Variants in UGGT2 observed in about 807,000 individuals in gnomAD.
UGGT2 encodes UDP-glucose glycoprotein glucosyltransferase 2.
In UGGT2, 180 loss-of-function variants were observed where a neutral mutation model predicts 192.1. The ratio of observed to expected loss-of-function variants is 0.94; its 90% CI spans 0.83 to 1.06. The LOEUF (loss-of-function observed/expected upper bound fraction) is 1.06. Ranked by LOEUF, UGGT2 falls within the 50% of genes least tolerant of loss-of-function variation. UGGT2 has a pLI of 0.00. For synonymous variants in UGGT2, 580 were observed against 591.0 expected (o/e 0.98, Z 0.27); for missense variants, 1,849 against 1,795.7 (o/e 1.03, Z -0.54).
intron 36 of UGGT2, among the ~76,000 whole-genome samples, chr13:95,837,611 T>C (rs183747826): frequency 6.6e-6 from 1 of 152,242 alleles, no homozygotes; most frequent in Admixed American, 6.5e-5. Context: ...TTGGAAACAA[T>C]GATCCATGAA....
At chr13:96,005,816 G>C (rs1445880571) in intron 5 of UGGT2, among the ~76,000 whole-genome samples, 1 of 152,142 alleles carries the variant, frequency 6.6e-6, no homozygotes, top group Non-Finnish European at 1.5e-5. Context: ...AATACAGGTG[G>C]GAAAGCTATA....
At chr13:95,871,571 A>G (rs1891224738) in intron 29 of UGGT2, among the ~76,000 whole-genome samples, 1 of 152,192 alleles carries the variant, frequency 6.6e-6, no homozygotes, top group Admixed American at 6.6e-5. Context: ...AGAAGTGTAC[A>G]TGGAGCAGGA....
At chr13:95,926,992 C>CT (rs2049034881) in intron 19 of UGGT2, 36 bp downstream of exon 19, 3 of 1,540,404 alleles carry the variant, frequency 1.9e-6, no homozygotes, top group Non-Finnish European at 1.8e-6. Flanking sequence ...GTTTCTATCA[C>CT]TTTAAGAATT....
intron 5 of UGGT2, among the ~76,000 whole-genome samples, chr13:96,008,714 C>A (rs1304373453): frequency 6.6e-6 from 1 of 152,130 alleles, no homozygotes. Context: ...CAAAACACTG[C>A]TCAAGGAAAT....
At chr13:95,947,454 A>ATT (rs67261345) in intron 14 of UGGT2, among the ~76,000 whole-genome samples, 1,524 of 145,722 alleles carry the variant, frequency 0.01, 22 homozygotes, top group Non-Finnish European at 0.012. Flanking sequence ...TACTCTTTTT[A>ATT]TTTTTATTTT....
At chr13:95,995,969 G>C in intron 7 of UGGT2, 94 bp downstream of exon 7, 1 of 1,048,086 alleles carries the variant, frequency 9.5e-7, no homozygotes, top group Non-Finnish European at 1.5e-6. Context: ...CTACATAAAA[G>C]AAAGGTGAAG....
At chr13:95,876,694 G>A (rs1419991489) in intron 29 of UGGT2, among the ~76,000 whole-genome samples, 1 of 152,084 alleles carries the variant, frequency 6.6e-6, no homozygotes, top group African/African-American at 2.4e-5. Flanking sequence ...TCTTCAATGT[G>A]TCTTTCTTAT....
intron 38 of UGGT2, among the ~76,000 whole-genome samples, chr13:95,831,690 C>G (rs1211530915): frequency 6.6e-6 from 1 of 152,018 alleles, no homozygotes; most frequent in Non-Finnish European, 1.5e-5. Flanking sequence ...TATACAGCTA[C>G]TATACGTTTA....
intron 14 of UGGT2, among the ~76,000 whole-genome samples, chr13:95,947,700 C>T (rs966917256): frequency 4.7e-5 from 2 of 42,186 alleles, no homozygotes; most frequent in Non-Finnish European, 1.3e-4. Context: ...CTGCCTGATT[C>T]GGCCTCCCAA....
chr13:95,883,687 C>G (rs531693323), intron 27 of UGGT2, among the ~76,000 whole-genome samples: 1 of 152,198 alleles, frequency 6.6e-6, no homozygotes, highest in South Asian at 2.1e-4. Context: ...TGGAGGCCTC[C>G]CTAGCCATGC....
At chr13:95,943,830 G>C (rs1027914979) in intron 15 of UGGT2, among the ~76,000 whole-genome samples, 1 of 151,808 alleles carries the variant, frequency 6.6e-6, no homozygotes, top group Non-Finnish European at 1.5e-5. Context: ...TTGAAGTGTT[G>C]ACAGTGGGTA....
At chr13:96,016,858 A>C (rs2052354870) in intron 4 of UGGT2, among the ~76,000 whole-genome samples, 1 of 152,202 alleles carries the variant, frequency 6.6e-6, no homozygotes, top group Non-Finnish European at 1.5e-5. Context: ...GAAAACCCAG[A>C]GGTACTCAAC....
chr13:95,927,340 A>G lies in UGGT2; in HGVS notation c.1978-4T>C. The G allele has an allele frequency of 6.3e-7, 1 of 1,593,574 alleles. No homozygotes were observed. The highest frequency in any genetic ancestry group is 8.5e-7 in the Non-Finnish European group (1 of 1,173,472). ...TCGTGCGATCATTTAATGTGCCCTA[A>G]AAAAACAAAAATGTTATTTAGATAA... On this transcript the variant is annotated splice_polypyrimidine_tract_variant and splice_region_variant and intron_variant, in intron 17 of 38. Transcript: ENST00000376747.
At chr13:95,940,455 CTTTTTT>C (rs1231173934) in intron 15 of UGGT2, among the ~76,000 whole-genome samples, 1 of 125,362 alleles carries the variant, frequency 8.0e-6, no homozygotes, top group Non-Finnish European at 1.7e-5. Flanking sequence ...TTTTCTTTTT[CTTTTTT>C]TTTTTTTTTT....
chr13:95,930,821 G>A (rs774612729), intron 17 of UGGT2, among the ~76,000 whole-genome samples: 12 of 152,230 alleles, frequency 7.9e-5, no homozygotes, highest in Non-Finnish European at 1.2e-4. Context: ...AGATGTGTTC[G>A]GGGTTTTCTC....
At chr13:95,903,112 C>T (rs1454604421) in intron 20 of UGGT2, 52 bp from the exon 21 acceptor site, 1 of 1,524,902 alleles carries the variant, frequency 6.6e-7, no homozygotes, top group South Asian at 1.2e-5. Context: ...TATCATTTTA[C>T]AGGTGAATAT....
At chr13:95,911,132 G>GC (rs2048480614) in intron 20 of UGGT2, among the ~76,000 whole-genome samples, 1 of 152,166 alleles carries the variant, frequency 6.6e-6, no homozygotes, top group African/African-American at 2.4e-5. Flanking sequence ...ATAAGAGAAA[G>GC]CAGGAAAGAT....
chr13:95,968,589 C>T (rs778900866), intron 12 of UGGT2, among the ~76,000 whole-genome samples: 1 of 152,130 alleles, frequency 6.6e-6, no homozygotes, highest in Admixed American at 6.5e-5. Flanking sequence ...CTCCAACACT[C>T]TCTCTCACTC....
chr13:96,018,714 T>A (rs7990476), intron 4 of UGGT2, among the ~76,000 whole-genome samples: 1 of 149,404 alleles, frequency 6.7e-6, no homozygotes, highest in Non-Finnish European at 1.5e-5. Flanking sequence ...AAAGGCAACA[T>A]TGATGACCTA....
Sources: allele counts gnomAD v4.1 joint callset (sites outside exome capture counted in the v4.1 genomes callset), GRCh38; gene constraint gnomAD v4.1.1; transcripts MANE v1.5; gene names NCBI Gene and HGNC (gene_info 2026-07-23, HGNC 2026-07-21).